The following TRMT11 variants were observed in gnomAD, a reference collection of about 807,000 sequenced individuals.
The protein encoded by TRMT11 is tRNA methyltransferase 11.
In TRMT11, 53 loss-of-function variants were observed where a neutral mutation model predicts 62.8. The observed-to-expected ratio is 0.84, with a 90% confidence interval of 0.68 to 1.06. TRMT11 has a LOEUF of 1.06. Ranked by LOEUF, TRMT11 falls within the 50% of genes least tolerant of loss-of-function variation. The pLI is 0.00. For synonymous variants in TRMT11, 188 were observed against 190.3 expected (o/e 0.99, Z 0.10); for missense variants, 556 against 553.4 (o/e 1.00, Z -0.05).
At chr6:126,106,845 C>T (rs1316346494) in intron 17 of TRMT11, among the ~76,000 whole-genome samples, 1 of 150,584 alleles carries the variant, frequency 6.6e-6, no homozygotes, top group Non-Finnish European at 1.5e-5. Context: ...GTGTATACAT[C>T]AGTAATTGCC....
intron 1 of TRMT11, among the ~76,000 whole-genome samples, chr6:125,990,578 G>T (rs1015134609): frequency 2.0e-5 from 3 of 152,148 alleles, no homozygotes; most frequent in Non-Finnish European, 4.4e-5. Flanking sequence ...CTGGATGTTG[G>T]TTTGGTAATT....
intron 17 of TRMT11, among the ~76,000 whole-genome samples, chr6:126,066,731 G>A (rs568922071): frequency 1.3e-5 from 2 of 152,172 alleles, no homozygotes; most frequent in African/African-American, 4.8e-5. Flanking sequence ...TAAGCCCTAG[G>A]TGAATTGTTA....
intron 1 of TRMT11, among the ~76,000 whole-genome samples, chr6:126,188,752 G>C (rs752737280): frequency 3.3e-5 from 5 of 152,062 alleles, no homozygotes; most frequent in African/African-American, 1.2e-4. Context: ...AGTTACTGTT[G>C]TTTATCACAT....
chr6:126,103,623 A>G (rs987161385), intron 17 of TRMT11, among the ~76,000 whole-genome samples: 27 of 152,164 alleles, frequency 1.8e-4, no homozygotes, highest in African/African-American at 6.0e-4. Context: ...TGGTTGTAAG[A>G]CTGAGGGCTC....
At chr6:126,121,335 A>G (rs1359393702) in intron 21 of TRMT11, among the ~76,000 whole-genome samples, 1 of 152,098 alleles carries the variant, frequency 6.6e-6, no homozygotes, top group Non-Finnish European at 1.5e-5. Context: ...CACAAGTAAG[A>G]ATAACAATGA....
At chr6:126,228,903 T>C in the TRMT11 span, among the ~76,000 whole-genome samples, 3 of 152,206 alleles carry the variant, frequency 2.0e-5, no homozygotes, top group Admixed American at 6.5e-5. Flanking sequence ...CGCTCTAAGA[T>C]GCAGTGATGC....
At chr6:126,025,189 A>G (rs1174780908) in intron 12 of TRMT11, among the ~76,000 whole-genome samples, 2 of 152,188 alleles carry the variant, frequency 1.3e-5, no homozygotes, top group African/African-American at 2.4e-5. Flanking sequence ...ACTAATTTTT[A>G]TACTTGCTTT....
intron 21 of TRMT11, among the ~76,000 whole-genome samples, chr6:126,127,672 A>AG (rs1460124547): frequency 9.7e-6 from 1 of 102,996 alleles, no homozygotes; most frequent in Non-Finnish European, 1.9e-5. Context: ...ACCCCACGAC[A>AG]GGCCCCGGTG....
the TRMT11 span, among the ~76,000 whole-genome samples, chr6:126,227,930 G>A: frequency 6.6e-6 from 1 of 152,228 alleles, no homozygotes; most frequent in Non-Finnish European, 1.5e-5. Context: ...GTACATAAAA[G>A]CCGTAAAACA....
At chr6:126,039,412 T>G (rs1439778835), downstream of TRMT11, 1 of 152,142 alleles carries the variant, frequency 6.6e-6, no homozygotes, top group Non-Finnish European at 1.5e-5. Context: ...CCTAGAAAGA[T>G]TCCAAACTCC....
chr6:126,061,249 CG>C (rs1562311106), intron 17 of TRMT11, among the ~76,000 whole-genome samples: 1 of 152,140 alleles, frequency 6.6e-6, no homozygotes, highest in Admixed American at 6.5e-5. Context: ...ACAAGATGCC[CG>C]GGTGATTTCT....
chr6:126,217,050 A>G, the TRMT11 span, among the ~76,000 whole-genome samples: 8,870 of 152,242 alleles, frequency 0.058, 827 homozygotes, highest in African/African-American at 0.2. Flanking sequence ...ACAATATGTC[A>G]GTTGTGTTTT....
chr6:126,250,229 G>A, the TRMT11 span, among the ~76,000 whole-genome samples: 1 of 152,148 alleles, frequency 6.6e-6, no homozygotes, highest in East Asian at 1.9e-4. Flanking sequence ...TTGGTAATTT[G>A]GAGGAGACCT....
rs544744114 is a variant in TRMT11 at position 126,121,477 on chromosome 6, A to G, written c.*1823+5622A>G. Among the ~76,000 whole-genome samples the G allele has an allele frequency of 3.3e-5, 5 of 152,264 alleles. No homozygotes were observed. In the South Asian group the frequency reaches 1.0e-3, roughly 32 times the overall value. On this transcript the variant is annotated intron_variant and NMD_transcript_variant, in intron 21 of 22. Coordinates refer to the TRMT11 transcript ENST00000648977. ...GGTTTATTGATCTTTAGTAGTGTGG[A>G]AGAACAACCTGTGCTTTCGTGTTAG...
chr6:126,027,416 A>G (rs1773386492), intron 12 of TRMT11, among the ~76,000 whole-genome samples: 1 of 152,222 alleles, frequency 6.6e-6, no homozygotes, highest in Non-Finnish European at 1.5e-5. Context: ...CAACTTTTAT[A>G]GTCTACTCTA....
the TRMT11 span, among the ~76,000 whole-genome samples, chr6:126,235,303 C>T: frequency 6.6e-6 from 1 of 152,170 alleles, no homozygotes; most frequent in Admixed American, 6.5e-5. Flanking sequence ...GTCGAATCCT[C>T]AAAGACCTAG....
At chr6:126,067,837 C>G (rs1160314025) in intron 17 of TRMT11, among the ~76,000 whole-genome samples, 1 of 152,184 alleles carries the variant, frequency 6.6e-6, no homozygotes, top group Non-Finnish European at 1.5e-5. Context: ...GCTCCACATT[C>G]TAACTGACGC....
intron 1 of TRMT11, among the ~76,000 whole-genome samples, chr6:126,193,740 G>A (rs890438857): frequency 2.6e-5 from 4 of 151,760 alleles, no homozygotes; most frequent in Admixed American, 1.3e-4. Flanking sequence ...TGATCCGCCC[G>A]CCTCAGCCTC....
chr6:126,184,655 T>A (rs1778506404), intron 1 of TRMT11, among the ~76,000 whole-genome samples: 1 of 152,094 alleles, frequency 6.6e-6, no homozygotes, highest in Non-Finnish European at 1.5e-5. Flanking sequence ...GTGCTTTCTC[T>A]TGGTTCCTTC....
Sources: allele counts gnomAD v4.1 joint callset (sites outside exome capture counted in the v4.1 genomes callset), GRCh38; gene constraint gnomAD v4.1.1; transcripts MANE v1.5; gene names NCBI Gene and HGNC (gene_info 2026-07-23, HGNC 2026-07-21).